HOMER2: variants seen among roughly 807,000 people sequenced by gnomAD.
HOMER2 encodes homer scaffold protein 2.
HOMER2 carries 27 observed loss-of-function variants against 47.0 expected under a neutral mutation model. The ratio of observed to expected loss-of-function variants is 0.57; its 90% confidence interval spans 0.42 to 0.79. HOMER2 has a LOEUF of 0.79. HOMER2 is among the 30% of genes least tolerant of loss of function. The pLI, the probability that HOMER2 is intolerant of heterozygous loss-of-function variation, is 0.00. For synonymous variants in HOMER2, 161 were observed against 163.8 expected (o/e 0.98, Z 0.13); for missense variants, 443 against 435.0 (o/e 1.02, Z -0.16).
upstream of HOMER2, chr15:82,952,764 C>G (rs1017392757): frequency 1.2e-3 from 1,137 of 934,336 alleles, no homozygotes; most frequent in Middle Eastern, 3.8e-3. Context: ...GGTGCCCGCC[C>G]CGCCCTCCCC....
chr15:82,906,899 C>T (rs1882696441), intron 1 of HOMER2, among the ~76,000 whole-genome samples: 1 of 152,098 alleles, frequency 6.6e-6, no homozygotes, highest in Non-Finnish European at 1.5e-5. Context: ...AGAGTCATTA[C>T]CTAATAATAA....
intron 1 of HOMER2, among the ~76,000 whole-genome samples, chr15:82,933,766 T>C (rs938529929): frequency 1.3e-5 from 2 of 152,186 alleles, no homozygotes; most frequent in Non-Finnish European, 2.9e-5. Flanking sequence ...GGCAGCATCC[T>C]GGCAACCACA....
chr15:82,967,401 A>C (rs1166673988), intron 1 of HOMER2, among the ~76,000 whole-genome samples: 1 of 152,186 alleles, frequency 6.6e-6, no homozygotes, highest in South Asian at 2.1e-4. Flanking sequence ...GTGTTGAGAG[A>C]TACATGCTGA....
intron 5 of HOMER2, among the ~76,000 whole-genome samples, chr15:82,857,629 C>T (rs925898400): frequency 6.6e-6 from 1 of 151,978 alleles, no homozygotes; most frequent in Non-Finnish European, 1.5e-5. Context: ...TGGGGTTTCA[C>T]CGTGTTGCCC....
chr15:82,927,698 C>T (rs1479925683), intron 1 of HOMER2, among the ~76,000 whole-genome samples: 2 of 152,006 alleles, frequency 1.3e-5, no homozygotes, highest in African/African-American at 4.8e-5. Context: ...TGGCTGGGCG[C>T]AGTGGCTCAC....
At chr15:82,941,487 C>A (rs1040966570) in intron 1 of HOMER2, among the ~76,000 whole-genome samples, 2 of 147,232 alleles carry the variant, frequency 1.4e-5, no homozygotes, top group Non-Finnish European at 1.5e-5. Flanking sequence ...AAGCATTATT[C>A]TTCTCTTCAA....
chr15:82,844,192 G>A (rs544765605), downstream of HOMER2: 1 of 152,356 alleles, frequency 6.6e-6, no homozygotes, highest in Admixed American at 6.5e-5. Flanking sequence ...CCCTGAATGA[G>A]TACAAGGGGG....
Position 82,875,210 on chromosome 15 carries a change from C to T in HOMER2, c.294+63G>A, listed in dbSNP as rs1596317567. The T allele has an allele frequency of 3.8e-6, 6 of 1,575,118 alleles. No individual in the cohort carries two copies. The East Asian group carries it at 1.3e-4, about 35-fold the overall frequency. ...CACCAAGGGCACATCCCTCGGCGGG[C>T]AATCACTGATGAGAATGGCATCTGA... On this transcript the variant is annotated intron_variant, in intron 3 of 8. Transcript: ENST00000450735.
chr15:82,944,858 GTGTGATATACA>G (rs1186409505), intron 1 of HOMER2, among the ~76,000 whole-genome samples: 3 of 151,970 alleles, frequency 2.0e-5, no homozygotes, highest in African/African-American at 7.3e-5. Context: ...GAAGGAGGGG[GTGTGATATACA>G]CCAAAGAACC....
At chr15:82,979,020 C>T (rs905444179) in intron 1 of HOMER2, among the ~76,000 whole-genome samples, 5 of 152,170 alleles carry the variant, frequency 3.3e-5, no homozygotes, top group Non-Finnish European at 7.3e-5. Context: ...CACCTGGCCA[C>T]GATCTGACAG....
Position 82,852,261 on chromosome 15 carries a change from C to T in HOMER2, c.652-9G>A, listed in dbSNP as rs761290796. ...TCTTCCAGCTCATCAATCTTCAATA[C>T]ACACCACACAGGAAAGCAGGGACGC... On this transcript the variant is annotated splice_polypyrimidine_tract_variant and intron_variant, in intron 6 of 8. Transcript: ENST00000450735. 3.8e-6 allele frequency: 6 copies of T among 1,597,196 alleles called. No individual in the cohort carries two copies. Among genetic ancestry groups the T allele is most frequent in the South Asian group, 2.2e-5 (2 of 90,730 alleles).
chr15:82,868,929 T>C (rs1351915413), intron 3 of HOMER2, among the ~76,000 whole-genome samples: 1 of 152,108 alleles, frequency 6.6e-6, no homozygotes, highest in African/African-American at 2.4e-5. Flanking sequence ...GACGGAAGAC[T>C]GGTTAATGGG....
intron 2 of HOMER2, among the ~76,000 whole-genome samples, chr15:82,890,513 C>T (rs180984094): frequency 3.9e-4 from 59 of 152,266 alleles, no homozygotes; most frequent in African/African-American, 1.3e-3. Flanking sequence ...CCTGGACTAG[C>T]GCTGTGCCAC....
intron 1 of HOMER2, among the ~76,000 whole-genome samples, chr15:82,939,814 G>T (rs1201015208): frequency 6.6e-6 from 1 of 152,156 alleles, no homozygotes; most frequent in Non-Finnish European, 1.5e-5. Flanking sequence ...TGGGGAGGTT[G>T]TCCAAATGTC....
At chr15:82,874,872 G>A (rs1026364209) in intron 3 of HOMER2, among the ~76,000 whole-genome samples, 10 of 152,176 alleles carry the variant, frequency 6.6e-5, no homozygotes, top group African/African-American at 9.7e-5. Context: ...ACAACCCTCC[G>A]ATAACTGTGC....
At chr15:82,963,281 G>C (rs2054646934) in intron 1 of HOMER2, among the ~76,000 whole-genome samples, 1 of 151,906 alleles carries the variant, frequency 6.6e-6, no homozygotes, top group South Asian at 2.1e-4. Flanking sequence ...GTAGATATGG[G>C]ATCTCCCTAT....
intron 1 of HOMER2, among the ~76,000 whole-genome samples, chr15:82,895,584 G>A (rs1299758593): frequency 1.3e-5 from 2 of 152,148 alleles, no homozygotes; most frequent in Non-Finnish European, 2.9e-5. Context: ...CAATTTAAAG[G>A]GCAGCAACTA....
At chr15:82,868,142 GTGTC>G (rs987038094) in intron 3 of HOMER2, among the ~76,000 whole-genome samples, 8 of 151,956 alleles carry the variant, frequency 5.3e-5, no homozygotes, top group Admixed American at 2.6e-4. Flanking sequence ...CTTTTGAAAA[GTGTC>G]TGTTCATGTC....
intron 3 of HOMER2, among the ~76,000 whole-genome samples, chr15:82,868,865 A>T (rs1488134453): frequency 6.6e-6 from 1 of 151,752 alleles, no homozygotes; most frequent in Non-Finnish European, 1.5e-5. Context: ...ATATATATAT[A>T]TATTTAGACC....
Sources: gnomAD v4.1 joint callset for allele counts (sites outside exome capture counted in the v4.1 genomes callset) on GRCh38, gnomAD v4.1.1 for gene constraint, MANE v1.5 for transcripts, NCBI Gene and HGNC (gene_info 2026-07-23, HGNC 2026-07-21) for gene names.